The following TSPAN9 variants were observed in gnomAD, a reference collection of about 807,000 sequenced individuals.
The protein encoded by TSPAN9 is tetraspanin 9.
Under a neutral mutation model 31.0 loss-of-function variants are expected in TSPAN9, and 16 were observed. The ratio of observed to expected loss-of-function variants is 0.52; its 90% CI spans 0.35 to 0.78. TSPAN9 has a LOEUF of 0.78. Among genes scored for constraint, TSPAN9 ranks in the 30% least tolerant of loss-of-function variants. The pLI is 0.01. For missense variants in TSPAN9, 272 were observed against 312.5 expected, an observed-to-expected ratio of 0.87 and a Z score of 0.98; for synonymous variants, 145 against 121.6, an observed-to-expected ratio of 1.19 and a Z score of -1.27.
intron 3 of TSPAN9, chr12:3,212,059 C>A (rs1201062806): frequency 5.1e-6 from 3 of 584,946 alleles, no homozygotes; most frequent in Non-Finnish European, 9.0e-6. Context: ...GGAACCTCTG[C>A]CTCCCAGGTT....
intron 2 of TSPAN9, among the ~76,000 whole-genome samples, chr12:3,127,963 T>C (rs1221665018): frequency 1.3e-5 from 2 of 152,172 alleles, no homozygotes; most frequent in Non-Finnish European, 2.9e-5. Flanking sequence ...TGCAGTGGGC[T>C]TGTTTACATC....
intron 2 of TSPAN9, among the ~76,000 whole-genome samples, chr12:3,155,685 C>T (rs369679417): frequency 2.0e-5 from 3 of 152,020 alleles, no homozygotes; most frequent in East Asian, 1.9e-4. Flanking sequence ...GAGTGAGAGA[C>T]GGCTTGAAGC....
At chr12:3,124,702 GC>G (rs2098326562) in intron 2 of TSPAN9, 1 of 151,950 alleles carries the variant, frequency 6.6e-6, no homozygotes, top group Non-Finnish European at 1.5e-5. Context: ...GAGCCACCGC[GC>G]CCAGCCTGAT....
intron 2 of TSPAN9, among the ~76,000 whole-genome samples, chr12:3,114,498 G>A (rs968107775): frequency 6.6e-6 from 1 of 152,118 alleles, no homozygotes; most frequent in African/African-American, 2.4e-5. Flanking sequence ...GCAGGAGGTG[G>A]TGAATTTGTG....
At chr12:3,191,982 T>G (rs1591668768) in intron 2 of TSPAN9, among the ~76,000 whole-genome samples, 1 of 150,306 alleles carries the variant, frequency 6.7e-6, no homozygotes, top group African/African-American at 2.5e-5. Context: ...AGCTCAGGGG[T>G]GAGTAGAGTG....
At position 3,224,646 on chromosome 12, in the gene TSPAN9, C is replaced by T. The variant is rs112912937; in HGVS notation, c.63+23390C>T. Among the ~76,000 whole-genome samples the T allele has an allele frequency of 7.1e-3, 1,080 of 152,318 alleles. 3 individuals carry two copies. The highest frequency in any genetic ancestry group is 0.014 in the Middle Eastern group (4 of 294). The stretch of plus-strand genomic sequence containing the variant: ...GGGGCAGGATCCGCGTGGTTGATGC[C>T]GAGCAGCCTGGGATCTCCGATGAGG... On this transcript the variant is annotated intron_variant, in intron 3 of 8. Transcript: ENST00000011898.
intron 8 of TSPAN9, 106 bp downstream of exon 8, chr12:3,281,923 G>C: frequency 8.0e-7 from 1 of 1,253,112 alleles, no homozygotes; most frequent in South Asian, 1.3e-5. Context: ...CGGAGGGTCT[G>C]GAATTCATCA....
At chr12:3,180,845 A>G (rs1168629073) in intron 2 of TSPAN9, among the ~76,000 whole-genome samples, 2 of 152,208 alleles carry the variant, frequency 1.3e-5, no homozygotes, top group Non-Finnish European at 2.9e-5. Flanking sequence ...ATTATTTTTC[A>G]TACTAAAATG....
intron 3 of TSPAN9, among the ~76,000 whole-genome samples, chr12:3,229,159 C>G (rs910695807): frequency 6.6e-5 from 10 of 152,192 alleles, no homozygotes; most frequent in South Asian, 2.1e-4. Flanking sequence ...ACCATTCAAC[C>G]CATGGCATAG....
At chr12:3,079,126 C>G (rs74522727) in intron 1 of TSPAN9, among the ~76,000 whole-genome samples, 3 of 152,040 alleles carry the variant, frequency 2.0e-5, no homozygotes, top group Non-Finnish European at 4.4e-5. Context: ...ATTACAGGCG[C>G]GTGCCGCCAC....
chr12:3,132,457 T>C (rs775953878), intron 2 of TSPAN9, among the ~76,000 whole-genome samples: 3 of 152,086 alleles, frequency 2.0e-5, no homozygotes, highest in Non-Finnish European at 2.9e-5. Context: ...AAAAAAATTA[T>C]GGCCATCCTA....
intron 3 of TSPAN9, among the ~76,000 whole-genome samples, chr12:3,259,747 G>T (rs916454228): frequency 6.6e-6 from 1 of 152,240 alleles, no homozygotes; most frequent in Non-Finnish European, 1.5e-5. Context: ...ACCCAGCACG[G>T]GGGTGGCGAG....
chr12:3,146,244 C>T (rs563725743), intron 2 of TSPAN9, among the ~76,000 whole-genome samples: 31 of 152,262 alleles, frequency 2.0e-4, no homozygotes, highest in African/African-American at 4.8e-4. Flanking sequence ...GGCAGGAGGG[C>T]GCTGGGATGC....
At chr12:3,239,485 A>G (rs3825356) in intron 3 of TSPAN9, among the ~76,000 whole-genome samples, 67,342 of 151,820 alleles carry the variant, frequency 0.44, 15,082 homozygotes, top group Non-Finnish European at 0.47. Context: ...TTTCCTCAAG[A>G]CCTCCATGGG....
At chr12:3,201,115 T>C (rs2098371389) in intron 2 of TSPAN9, 62 bp from the exon 3 acceptor site, 1 of 1,460,672 alleles carries the variant, frequency 6.8e-7, no homozygotes, top group Admixed American at 1.7e-5. Context: ...ACAAGTGCAA[T>C]GCACCCAAAG....
At chr12:3,224,484 G>C (rs966698143) in intron 3 of TSPAN9, among the ~76,000 whole-genome samples, 2 of 152,250 alleles carry the variant, frequency 1.3e-5, no homozygotes, top group African/African-American at 2.4e-5. Flanking sequence ...GCTTGGCTGG[G>C]AAATGCCAGT....
In TSPAN9 at chr12:3,220,609, G is replaced by A. The variant is rs1307396781; in HGVS notation, c.63+19353G>A. ...ATGGGAGAGGTCTGCAGAGGAATCC[G>A]ATGTTGATATGTTTTCCTGGGACCC... On this transcript the variant is annotated intron_variant, in intron 3 of 8. Coordinates refer to ENST00000011898, the MANE Select transcript of TSPAN9 (RefSeq NM_006675.5). Among the ~76,000 whole-genome samples, 4 of 152,266 alleles carry A rather than the reference G, an allele frequency of 2.6e-5. No homozygotes were observed. The South Asian group carries it at 6.2e-4, about 24-fold the overall frequency.
At position 3,105,774 on chromosome 12, in the gene TSPAN9, A is replaced by ACACACGCGCACACGCTCATACACACG. The variant is rs113557381; in HGVS notation, c.-18+22062_-18+22063insGCACACGCTCATACACACGCACACGC. Among the ~76,000 whole-genome samples, 17 of 136,980 alleles carry ACACACGCGCACACGCTCATACACACG rather than the reference A, an allele frequency of 1.2e-4. 1 individual carries two copies. Among genetic ancestry groups the ACACACGCGCACACGCTCATACACACG allele is most frequent in the East Asian group, 6.2e-4 (3 of 4,844 alleles). The allele number at this position is 136,980 out of a possible 152,430, so 89.9% of individuals were successfully genotyped here. A position where few individuals can be genotyped will look rare whatever the true frequency, so the allele number is the denominator to read the frequency against. Reference sequence around the variant, plus strand: ...CACACACACGCACACACGCGCACGCACACACGCTCATACACACTCACGCAC... The same window carrying ACACACGCGCACACGCTCATACACACG: ...CACACACACGCACACACGCGCACGCACACACGCGCACACGCTCATACACACGCACACGCTCATACACACTCACGCAC... On this transcript the variant is annotated intron_variant, in intron 2 of 8. Transcript: ENST00000011898.
At chr12:3,228,410 C>A (rs1028246869) in intron 3 of TSPAN9, among the ~76,000 whole-genome samples, 2 of 152,208 alleles carry the variant, frequency 1.3e-5, no homozygotes, top group Admixed American at 6.5e-5. Flanking sequence ...GCTTTTCAGT[C>A]CCCATTTCAC....
Sources: gnomAD v4.1 joint callset for allele counts (sites outside exome capture counted in the v4.1 genomes callset) on GRCh38, gnomAD v4.1.1 for gene constraint, MANE v1.5 for transcripts, NCBI Gene and HGNC (gene_info 2026-07-23, HGNC 2026-07-21) for gene names.